The following RALGPS1 variants were observed in gnomAD, a reference collection of about 807,000 sequenced individuals.
The protein encoded by RALGPS1 is Ral GEF with PH domain and SH3 binding motif 1.
Under a neutral mutation model 78.8 loss-of-function variants are expected in RALGPS1, and 19 were observed. The ratio of observed to expected loss-of-function variants is 0.24; its 90% CI spans 0.17 to 0.35. The LOEUF (loss-of-function observed/expected upper bound fraction) is 0.35. Ranked by LOEUF, RALGPS1 falls within the 10% of genes least tolerant of loss-of-function variation. RALGPS1 has a pLI of 1.00. For missense variants in RALGPS1, 454 were observed against 688.3 expected, an observed-to-expected ratio of 0.66 and a Z score of 3.81; for synonymous variants, 228 against 256.3, an observed-to-expected ratio of 0.89 and a Z score of 1.06.
intron 11 of RALGPS1, among the ~76,000 whole-genome samples, chr9:127,178,684 T>C (rs759219867): frequency 6.6e-6 from 1 of 152,200 alleles, no homozygotes; most frequent in Non-Finnish European, 1.5e-5. Flanking sequence ...TGTTTTCATA[T>C]GGGCACAACC....
intron 3 of RALGPS1, among the ~76,000 whole-genome samples, chr9:126,971,303 A>T (rs1440993124): frequency 6.6e-6 from 1 of 152,070 alleles, no homozygotes; most frequent in African/African-American, 2.4e-5. Flanking sequence ...TTGAAACCGC[A>T]TATTGAAAGA....
At chr9:127,027,683 CTATGGCACATT>C (rs1391773444) in intron 4 of RALGPS1, among the ~76,000 whole-genome samples, 1 of 152,196 alleles carries the variant, frequency 6.6e-6, no homozygotes, top group African/African-American at 2.4e-5. Flanking sequence ...TATCCATAAA[CTATGGCACATT>C]TACTGCCTAA....
At chr9:127,054,893 C>A (rs985317412) in intron 7 of RALGPS1, among the ~76,000 whole-genome samples, 3 of 151,950 alleles carry the variant, frequency 2.0e-5, no homozygotes, top group African/African-American at 7.3e-5. Context: ...CAGGAAGGTC[C>A]CTTGAGCCCA....
chr9:127,014,191 A>G (rs867490470), intron 4 of RALGPS1, among the ~76,000 whole-genome samples: 13 of 152,252 alleles, frequency 8.5e-5, no homozygotes, highest in African/African-American at 3.1e-4. Flanking sequence ...GCCTTAAAAA[A>G]GGGGTTTCAC....
chr9:127,141,886 T>C (rs1412766227), intron 8 of RALGPS1, among the ~76,000 whole-genome samples: 1 of 152,252 alleles, frequency 6.6e-6, no homozygotes, highest in Non-Finnish European at 1.5e-5. Context: ...ATCATTGATA[T>C]GAGTTTGTCA....
intron 4 of RALGPS1, among the ~76,000 whole-genome samples, chr9:127,006,937 GGA>G (rs2043890066): frequency 6.6e-6 from 1 of 151,978 alleles, no homozygotes; most frequent in Non-Finnish European, 1.5e-5. Context: ...AGGGAGAGAG[GGA>G]GAGAGGAGAG....
chr9:127,158,645 A>G (rs1481997028), intron 8 of RALGPS1, among the ~76,000 whole-genome samples: 1 of 151,860 alleles, frequency 6.6e-6, no homozygotes, highest in African/African-American at 2.4e-5. Flanking sequence ...TTCATTATTT[A>G]TGCTTTTATA....
At chr9:127,148,873 G>A (rs1274519972) in intron 8 of RALGPS1, among the ~76,000 whole-genome samples, 1 of 152,232 alleles carries the variant, frequency 6.6e-6, no homozygotes, top group Non-Finnish European at 1.5e-5. Flanking sequence ...ATGGCGGAGG[G>A]AGAACACGTT....
intron 8 of RALGPS1, chr9:127,070,080 T>C (rs1377108719): frequency 6.6e-6 from 1 of 152,210 alleles, no homozygotes; most frequent in Non-Finnish European, 1.5e-5. Flanking sequence ...TTTCCACGGA[T>C]GGAGAGTGGG....
intron 13 of RALGPS1, 59 bp from the exon 14 acceptor site, chr9:127,198,953 CAGG>C (rs2061478809): frequency 2.0e-6 from 3 of 1,473,984 alleles, no homozygotes; most frequent in South Asian, 2.3e-5. Context: ...CTCGGTGACC[CAGG>C]AGAACAGGCC....
chr9:127,162,864 A>G (rs969362779), intron 8 of RALGPS1, among the ~76,000 whole-genome samples: 1 of 152,138 alleles, frequency 6.6e-6, no homozygotes, highest in Non-Finnish European at 1.5e-5. Flanking sequence ...GTTTCTGATG[A>G]CCAGTGGATG....
chr9:127,178,985 A>G (rs2060051196), intron 11 of RALGPS1, among the ~76,000 whole-genome samples: 1 of 152,234 alleles, frequency 6.6e-6, no homozygotes, highest in African/African-American at 2.4e-5. Flanking sequence ...CCTAGAGCCC[A>G]GGACAGAAAT....
chr9:127,072,177 A>C (rs1257375506), intron 8 of RALGPS1, among the ~76,000 whole-genome samples: 1 of 152,232 alleles, frequency 6.6e-6, no homozygotes, highest in Non-Finnish European at 1.5e-5. Context: ...TCTTATTGCC[A>C]AATAATATTC....
chr9:127,216,638 T>C (rs776894936), intron 18 of RALGPS1, among the ~76,000 whole-genome samples: 6 of 152,242 alleles, frequency 3.9e-5, no homozygotes, highest in Non-Finnish European at 8.8e-5. Flanking sequence ...GAGAGCTTTA[T>C]GTATAGTTTG....
intron 8 of RALGPS1, chr9:127,088,853 G>A (rs2052087352): frequency 3.4e-6 from 5 of 1,490,846 alleles, no homozygotes; most frequent in African/African-American, 1.4e-5. Context: ...GGATGAACTG[G>A]TGAGGAGTTG....
chr9:126,997,916 G>C (rs2042922890), intron 4 of RALGPS1, among the ~76,000 whole-genome samples: 1 of 152,140 alleles, frequency 6.6e-6, no homozygotes, highest in Admixed American at 6.5e-5. Flanking sequence ...ACAAGCAATG[G>C]GGAAAGGATT....
chr9:127,007,024 C>A (rs182164915), intron 4 of RALGPS1, among the ~76,000 whole-genome samples: 6 of 152,244 alleles, frequency 3.9e-5, no homozygotes, highest in Non-Finnish European at 8.8e-5. Context: ...AAATTGTGTA[C>A]AACATTTCTC....
intron 3 of RALGPS1, among the ~76,000 whole-genome samples, chr9:126,974,994 C>G (rs1289572700): frequency 6.6e-6 from 1 of 152,088 alleles, no homozygotes; most frequent in African/African-American, 2.4e-5. Context: ...AACTGAGTGG[C>G]CTTGAGGGTT....
At chr9:127,119,483 G>A (rs924367309) in intron 8 of RALGPS1, among the ~76,000 whole-genome samples, 1 of 152,200 alleles carries the variant, frequency 6.6e-6, no homozygotes, top group Non-Finnish European at 1.5e-5. Context: ...ACAGAGCTGG[G>A]TTCCAGTCCC....
Sources: gnomAD v4.1 joint callset for allele counts (sites outside exome capture counted in the v4.1 genomes callset) on GRCh38, gnomAD v4.1.1 for gene constraint, MANE v1.5 for transcripts, NCBI Gene and HGNC (gene_info 2026-07-23, HGNC 2026-07-21) for gene names.